The following LIN28A variants were observed in gnomAD, a reference collection of about 807,000 sequenced individuals.
LIN28A encodes the protein protein lin-28 homolog A.
LIN28A carries 11 observed loss-of-function variants against 21.1 expected under a neutral mutation model. The ratio of observed to expected loss-of-function variants is 0.52; its 90% CI spans 0.33 to 0.86. LIN28A has a LOEUF of 0.86. LIN28A is among the 40% of genes least tolerant of loss of function. LIN28A has a pLI of 0.03. For missense variants in LIN28A, 219 were observed against 279.8 expected (o/e 0.78, Z 1.55); for synonymous variants, 111 against 108.7 (o/e 1.02, Z -0.13).
intron 2 of LIN28A, among the ~76,000 whole-genome samples, chr1:26,419,036 GCT>G (rs1223745437): frequency 6.6e-6 from 1 of 151,956 alleles, no homozygotes; most frequent in Non-Finnish European, 1.5e-5. Context: ...TACTGGGGGA[GCT>G]CAGGCCATGC....
In LIN28A at chr1:26,414,078, C is replaced by T. The variant is rs138588720; in HGVS notation, c.228+2496C>T. Among the ~76,000 whole-genome samples the T allele has an allele frequency of 1.1e-4, 16 of 152,246 alleles. No homozygotes were observed. In the East Asian group the frequency reaches 3.1e-3, roughly 29 times the overall value. On this transcript the variant is annotated intron_variant, in intron 2 of 3. Coordinates refer to ENST00000326279, the MANE Select transcript of LIN28A (RefSeq NM_024674.6). ...TCCTGACCTCAGATGATCCGCCCGC[C>T]TTGGCCTCCCAAAGTGCTGGGATTA...
At chr1:26,423,084 C>T (rs941869636) in intron 2 of LIN28A, among the ~76,000 whole-genome samples, 15 of 152,142 alleles carry the variant, frequency 9.9e-5, no homozygotes, top group African/African-American at 3.6e-4. Context: ...GACAGAGTCT[C>T]GCTCCATCAC....
At chr1:26,417,355 C>T (rs1207825145) in intron 2 of LIN28A, among the ~76,000 whole-genome samples, 1 of 152,214 alleles carries the variant, frequency 6.6e-6, no homozygotes, top group Non-Finnish European at 1.5e-5. Flanking sequence ...TTGACACACA[C>T]ACCATCGAAT....
chr1:26,414,760 G>A (rs528391223), intron 2 of LIN28A, among the ~76,000 whole-genome samples: 1 of 152,158 alleles, frequency 6.6e-6, no homozygotes, highest in Admixed American at 6.5e-5. Flanking sequence ...ATTATAGGAT[G>A]TACAGCAGTA....
Position 26,428,010 on chromosome 1 carries a change from G to T in LIN28A, c.*1552G>T, listed in dbSNP as rs2075069854. Reference sequence around the variant, plus strand: ...CAATAGAACGCATTGGGTGGTGTGTGTCTGATCCTGGGTTCTTGTCTCCCC... The same window carrying T: ...CAATAGAACGCATTGGGTGGTGTGTTTCTGATCCTGGGTTCTTGTCTCCCC... On this transcript the variant is annotated 3_prime_UTR_variant, in exon 4 of 4. Coordinates refer to ENST00000326279, the MANE Select transcript of LIN28A (RefSeq NM_024674.6). The T allele has an allele frequency of 6.6e-6, 1 of 152,656 alleles. No homozygotes were observed. The highest frequency in any genetic ancestry group is 1.9e-4 in the East Asian group (1 of 5,198). 9.5% of individuals were successfully genotyped at this position (152,656 alleles called of 1,614,324 possible).
intron 2 of LIN28A, among the ~76,000 whole-genome samples, chr1:26,423,857 G>A (rs937534777): frequency 7.9e-5 from 12 of 151,756 alleles, no homozygotes; most frequent in Non-Finnish European, 1.3e-4. Context: ...CTGCCTCCCA[G>A]GTTCATGCCA....
In LIN28A at chr1:26,411,739, C is replaced by T. The variant is rs148969215; in HGVS notation, c.228+157C>T. 5.8e-4 allele frequency among the ~76,000 whole-genome samples: 88 copies of T among 152,362 alleles called. 1 individual carries two copies. The highest frequency in any genetic ancestry group is 2.0e-3 in the African/African-American group (82 of 41,582). On this transcript the variant is annotated intron_variant, in intron 2 of 3. Transcript: ENST00000326279. This position sits in a 1 kb window ranked among gnomAD's most constrained non-coding sequence, Gnocchi z 5.4. ...CACCCCAATTCTGAGTCCCTGTTAACTATCTCGTGGGGGAGTAGTGGGAGG... is the reference window on the plus strand; with the variant it reads ...CACCCCAATTCTGAGTCCCTGTTAATTATCTCGTGGGGGAGTAGTGGGAGG...
intron 2 of LIN28A, among the ~76,000 whole-genome samples, chr1:26,414,388 G>T (rs888554858): frequency 3.9e-5 from 6 of 152,050 alleles, no homozygotes; most frequent in African/African-American, 1.4e-4. Context: ...AGAGGAAGGG[G>T]GAAAGGCAAT....
At chr1:26,415,986 T>TTTTTTA (rs1009598969) in intron 2 of LIN28A, among the ~76,000 whole-genome samples, 17 of 152,090 alleles carry the variant, frequency 1.1e-4, no homozygotes, top group Non-Finnish European at 1.9e-4. Context: ...ACAATGTCTT[T>TTTTTTA]TTTTTATTTT....
chr1:26,424,259 C>A (rs562323551), intron 2 of LIN28A, among the ~76,000 whole-genome samples: 2 of 151,636 alleles, frequency 1.3e-5, no homozygotes, highest in South Asian at 4.2e-4. Flanking sequence ...TTATTTATTT[C>A]TTTGAGATGG....
At chr1:26,423,411 T>G (rs1191069683) in intron 2 of LIN28A, among the ~76,000 whole-genome samples, 1 of 97,098 alleles carries the variant, frequency 1.0e-5, no homozygotes, top group Admixed American at 1.4e-4. Context: ...TTTTTTCTTT[T>G]TCTTTTTTTT....
intron 2 of LIN28A, among the ~76,000 whole-genome samples, chr1:26,421,275 T>C (rs1468180653): frequency 6.6e-6 from 1 of 152,238 alleles, no homozygotes; most frequent in Non-Finnish European, 1.5e-5. Context: ...TACCAAAATG[T>C]GGCTGTGAAC....
chr1:26,411,986 A>G lies in LIN28A; in HGVS notation c.228+404A>G, dbSNP rs1200709356. On this transcript the variant is annotated intron_variant, in intron 2 of 3. Coordinates refer to ENST00000326279, the MANE Select transcript of LIN28A (RefSeq NM_024674.6). The surrounding 1 kb of genome is among the most constrained non-coding windows in gnomAD (Gnocchi z 5.4). ...GGAGCCCAGCTCCTCCAACGTCTGA[A>G]TGGAGCTCAGAAGGCGGGAGAGAGT... 6.6e-6 allele frequency among the ~76,000 whole-genome samples: 1 copy of G among 152,216 alleles called. No homozygotes were observed. The highest frequency in any genetic ancestry group is 1.5e-5 in the Non-Finnish European group (1 of 68,036).
intron 2 of LIN28A, among the ~76,000 whole-genome samples, chr1:26,412,235 G>C (rs954229311): frequency 2.0e-5 from 3 of 152,308 alleles, no homozygotes; most frequent in Admixed American, 6.5e-5. Context: ...TCCTGGGCCA[G>C]GCTGGGAGGG....
chr1:26,416,640 C>T (rs991828539), intron 2 of LIN28A, among the ~76,000 whole-genome samples: 69 of 151,336 alleles, frequency 4.6e-4, no homozygotes, highest in Admixed American at 4.5e-3. Flanking sequence ...TTTTTTGAGA[C>T]GGAATCTCTC....
chr1:26,412,533 G>A lies in LIN28A; in HGVS notation c.228+951G>A, dbSNP rs534245400. On this transcript the variant is annotated intron_variant, in intron 2 of 3. Coordinates refer to ENST00000326279, the MANE Select transcript of LIN28A (RefSeq NM_024674.6). The stretch of plus-strand genomic sequence containing the variant: ...AGCTACCCATAAAGACCATGGAAAG[G>A]AAGTTGCTTGCTGCCTATGGCCCTT... 4.6e-5 allele frequency among the ~76,000 whole-genome samples: 7 copies of A among 152,318 alleles called. No homozygotes were observed. In the South Asian group the frequency reaches 6.2e-4, roughly 14 times the overall value.
Position 26,427,105 on chromosome 1 carries a change from C to A in LIN28A, c.*647C>A, listed in dbSNP as rs1409574170. On this transcript the variant is annotated 3_prime_UTR_variant, in exon 4 of 4. Coordinates refer to ENST00000326279, the MANE Select transcript of LIN28A (RefSeq NM_024674.6). Reference sequence around the variant, plus strand: ...GATACTGCACCTTGGGTCCCACTTTCTCCAGGATGCCAACTGCACTAGCTG... The same window carrying A: ...GATACTGCACCTTGGGTCCCACTTTATCCAGGATGCCAACTGCACTAGCTG... 1 of 153,234 alleles carries A rather than the reference C, an allele frequency of 6.5e-6. No homozygotes were observed. Among genetic ancestry groups the A allele is most frequent in the Non-Finnish European group, 1.5e-5 (1 of 68,514 alleles). The allele number at this position is 153,234 out of a possible 1,614,324, so 9.5% of individuals were successfully genotyped here.
At chr1:26,419,267 C>T (rs1202178226) in intron 2 of LIN28A, among the ~76,000 whole-genome samples, 4 of 151,920 alleles carry the variant, frequency 2.6e-5, no homozygotes, top group African/African-American at 9.7e-5. Flanking sequence ...GGGAGGAGGG[C>T]AGGGAGCCAC....
intron 2 of LIN28A, among the ~76,000 whole-genome samples, chr1:26,416,759 A>G (rs2074995825): frequency 6.6e-6 from 1 of 152,098 alleles, no homozygotes; most frequent in South Asian, 2.1e-4. Flanking sequence ...CTGGGATTAG[A>G]GGCACCTGCC....
Sources: allele counts gnomAD v4.1 joint callset (sites outside exome capture counted in the v4.1 genomes callset), GRCh38; gene constraint gnomAD v4.1.1; non-coding constraint Gnocchi (gnomAD v3.1); transcripts MANE v1.5; gene names NCBI Gene and HGNC (gene_info 2026-07-23, HGNC 2026-07-21).